MNAT1: variants seen among roughly 807,000 people sequenced by gnomAD.
MNAT1 encodes the protein CDK-activating kinase assembly factor MAT1.
A neutral mutation model predicts 42.0 loss-of-function variants in MNAT1; 43 were observed. The ratio of observed to expected loss-of-function variants is 1.02; its 90% CI spans 0.80 to 1.32. MNAT1 has a LOEUF of 1.32. Ranked by LOEUF, MNAT1 falls within the 40% of genes most tolerant of loss-of-function variation. The pLI, the probability that MNAT1 is intolerant of heterozygous loss-of-function variation, is 0.00. For missense variants in MNAT1, 306 were observed against 350.4 expected, an observed-to-expected ratio of 0.87 and a Z score of 1.01; for synonymous variants, 118 against 120.0, an observed-to-expected ratio of 0.98 and a Z score of 0.11.
intron 6 of MNAT1, among the ~76,000 whole-genome samples, chr14:60,855,437 C>T (rs889578275): frequency 6.6e-6 from 1 of 151,976 alleles, no homozygotes; most frequent in Non-Finnish European, 1.5e-5. Flanking sequence ...AACCCAGGGC[C>T]CTGGTGGTGT....
At chr14:60,779,247 G>A (rs139898276) in intron 1 of MNAT1, among the ~76,000 whole-genome samples, 14 of 152,296 alleles carry the variant, frequency 9.2e-5, no homozygotes, top group African/African-American at 3.1e-4. Flanking sequence ...TTTAATAAAT[G>A]TACAAATACA....
chr14:60,767,344 T>G (rs1313705447), intron 1 of MNAT1, among the ~76,000 whole-genome samples: 2 of 152,234 alleles, frequency 1.3e-5, no homozygotes, highest in East Asian at 3.8e-4. Context: ...CTGGCCAGCT[T>G]ACTGCCTTAG....
At chr14:60,965,103 C>T (rs150978448) in intron 7 of MNAT1, among the ~76,000 whole-genome samples, 4 of 152,218 alleles carry the variant, frequency 2.6e-5, no homozygotes, top group South Asian at 2.1e-4. Flanking sequence ...GGACTCTCAA[C>T]GACTCATACT....
intron 6 of MNAT1, among the ~76,000 whole-genome samples, chr14:60,825,107 A>T (rs1012599526): frequency 1.3e-5 from 2 of 152,184 alleles, no homozygotes; most frequent in African/African-American, 4.8e-5. Context: ...TAAATAACTC[A>T]TATATGTGAT....
intron 7 of MNAT1, among the ~76,000 whole-genome samples, chr14:60,962,980 T>C (rs1376141608): frequency 6.6e-6 from 1 of 152,014 alleles, no homozygotes; most frequent in African/African-American, 2.4e-5. Context: ...GCCATATGTT[T>C]TTTGTTTTTT....
intron 7 of MNAT1, among the ~76,000 whole-genome samples, chr14:60,965,878 A>G (rs967470414): frequency 2.6e-5 from 4 of 152,200 alleles, no homozygotes; most frequent in African/African-American, 9.6e-5. Flanking sequence ...AGTTACCTAT[A>G]AAAATATTAC....
At chr14:60,838,020 G>T (rs1428451979) in intron 6 of MNAT1, among the ~76,000 whole-genome samples, 1 of 152,060 alleles carries the variant, frequency 6.6e-6, no homozygotes, top group Non-Finnish European at 1.5e-5. Context: ...TTTTATTCCT[G>T]ATATTAGTAA....
chr14:60,770,455 C>T (rs1283860910), intron 1 of MNAT1, among the ~76,000 whole-genome samples: 1 of 152,156 alleles, frequency 6.6e-6, no homozygotes, highest in African/African-American at 2.4e-5. Context: ...GGTGCTGGAT[C>T]ATATGGTAGT....
intron 6 of MNAT1, among the ~76,000 whole-genome samples, chr14:60,846,046 C>A (rs1257273201): frequency 6.6e-6 from 1 of 152,000 alleles, no homozygotes; most frequent in African/African-American, 2.4e-5. Flanking sequence ...GTTTCAATTT[C>A]TTTACTAATA....
At chr14:60,917,070 T>C (rs2035535754) in intron 7 of MNAT1, among the ~76,000 whole-genome samples, 1 of 152,198 alleles carries the variant, frequency 6.6e-6, no homozygotes, top group South Asian at 2.1e-4. Context: ...AGTATACTGT[T>C]AATTATGGTA....
rs772564204 is a variant in MNAT1 at position 60,780,837 on chromosome 14, T to G, written c.90-15380T>G. 1.3e-3 allele frequency among the ~76,000 whole-genome samples: 193 copies of G among 152,194 alleles called. 1 individual carries two copies. Among genetic ancestry groups the G allele is most frequent in the Non-Finnish European group, 2.3e-3 (159 of 68,026 alleles). ...AAAAGGAACCAGGAGGTTTTTTTTT[T>G]GTCAACATTGTGATGTATATTCCTT... On this transcript the variant is annotated intron_variant, in intron 1 of 7. Transcript: ENST00000261245.
intron 6 of MNAT1, among the ~76,000 whole-genome samples, chr14:60,833,087 T>G (rs2033272742): frequency 6.6e-6 from 1 of 152,150 alleles, no homozygotes; most frequent in African/African-American, 2.4e-5. Flanking sequence ...GCTGAGATGA[T>G]GGGGTTTTCT....
chr14:60,878,857 C>T (rs557311010), intron 6 of MNAT1, among the ~76,000 whole-genome samples: 2 of 152,234 alleles, frequency 1.3e-5, no homozygotes, highest in South Asian at 4.1e-4. Flanking sequence ...CCACTGAATG[C>T]ACTGCTCTTG....
chr14:60,754,963 A>G (rs1019828222), intron 1 of MNAT1, among the ~76,000 whole-genome samples: 1 of 152,196 alleles, frequency 6.6e-6, no homozygotes, highest in Non-Finnish European at 1.5e-5. Flanking sequence ...TAAGTAAGAA[A>G]TACAGTGGAG....
At chr14:60,804,236 G>A (rs1352817236) in intron 3 of MNAT1, among the ~76,000 whole-genome samples, 2 of 152,152 alleles carry the variant, frequency 1.3e-5, no homozygotes, top group African/African-American at 4.8e-5. Flanking sequence ...CCAGTAAACA[G>A]ATAAAGGGTC....
intron 6 of MNAT1, among the ~76,000 whole-genome samples, chr14:60,865,361 A>G (rs745550290): frequency 6.6e-6 from 1 of 152,116 alleles, no homozygotes; most frequent in African/African-American, 2.4e-5. Context: ...TTATAGTGCC[A>G]AGTTAGGAAT....
chr14:60,821,251 G>A (rs2032882235), intron 6 of MNAT1, among the ~76,000 whole-genome samples: 1 of 152,062 alleles, frequency 6.6e-6, no homozygotes, highest in African/African-American at 2.4e-5. Flanking sequence ...AAAAGTGTTA[G>A]GATTACAGGC....
At chr14:60,901,161 C>A (rs529096336) in intron 7 of MNAT1, among the ~76,000 whole-genome samples, 13 of 151,988 alleles carry the variant, frequency 8.6e-5, no homozygotes, top group African/African-American at 3.1e-4. Flanking sequence ...ATTGTAGGGC[C>A]CCTAAAAAGT....
chr14:60,846,089 C>T lies in MNAT1; in HGVS notation c.687+27242C>T, dbSNP rs971288492. 3.9e-5 allele frequency among the ~76,000 whole-genome samples: 6 copies of T among 151,912 alleles called. No homozygotes were observed. In the East Asian group the frequency reaches 5.8e-4, roughly 15 times the overall value. ...TATTCACACTTCCTTTTTCTATCCC[C>T]GTTTCTTTTTCCTTCCTCTCTTTTC... is the stretch of plus-strand genomic sequence containing the variant. On this transcript the variant is annotated intron_variant, in intron 6 of 7. Transcript: ENST00000261245.
Sources: gnomAD v4.1 joint callset for allele counts (sites outside exome capture counted in the v4.1 genomes callset) on GRCh38, gnomAD v4.1.1 for gene constraint, MANE v1.5 for transcripts, NCBI Gene and HGNC (gene_info 2026-07-23, HGNC 2026-07-21) for gene names.